MDGA2: variants seen among roughly 807,000 people sequenced by gnomAD.
MDGA2 encodes the protein MAM domain containing glycosylphosphatidylinositol anchor 2, also known as MAM domain-containing glycosylphosphatidylinositol anchor protein 2.
Under a neutral mutation model 117.8 loss-of-function variants are expected in MDGA2, and 40 were observed. That is an observed-to-expected ratio of 0.34 (90% CI 0.26 to 0.44). MDGA2 has a LOEUF of 0.44. MDGA2 is among the 20% of genes least tolerant of loss of function. The pLI, the probability that MDGA2 is intolerant of heterozygous loss-of-function variation, is 1.00. For synonymous variants in MDGA2, 452 were observed against 439.0 expected, an observed-to-expected ratio of 1.03 and a Z score of -0.37; for missense variants, 1,123 against 1,250.6, an observed-to-expected ratio of 0.90 and a Z score of 1.54.
rs373003799 is a variant in MDGA2, at chr14:47,051,834, A to G, written c.1525+9415T>C. Among the ~76,000 whole-genome samples, 14 of 152,004 alleles carry G rather than the reference A, an allele frequency of 9.2e-5. No homozygotes were observed. The East Asian group carries it at 2.7e-3, about 29-fold the overall frequency. ...TTAATTTTCTTTTTGCCAATTGTGA[A>G]TGGTAGGTTAGTAGTGTCATCTGTG... On this transcript the variant is annotated intron_variant, in intron 7 of 16. Coordinates refer to ENST00000399232, the MANE Select transcript of MDGA2 (RefSeq NM_001113498.3).
chr14:47,293,316 G>T (rs763742584), intron 2 of MDGA2, among the ~76,000 whole-genome samples: 1 of 152,030 alleles, frequency 6.6e-6, no homozygotes, highest in Non-Finnish European at 1.5e-5. Flanking sequence ...CTATCATAAC[G>T]GCATATTAGG....
intron 1 of MDGA2, among the ~76,000 whole-genome samples, chr14:47,573,920 G>GA (rs946631698): frequency 3.4e-4 from 51 of 148,598 alleles, no homozygotes; most frequent in South Asian, 8.5e-4. Context: ...AAAGTTAATA[G>GA]AAAAAAAAAA....
At chr14:47,569,079 G>A (rs527641783) in intron 1 of MDGA2, among the ~76,000 whole-genome samples, 7 of 151,758 alleles carry the variant, frequency 4.6e-5, no homozygotes, top group African/African-American at 1.5e-4. Flanking sequence ...TAACCTTGTG[G>A]AGTTTTTTGT....
In MDGA2 at chr14:47,035,236, G is replaced by A. The variant is rs1888804820; in HGVS notation, c.1594C>T (p.Leu532=). The stretch of plus-strand genomic sequence containing the variant: ...GGTTTGCCAGTTACTTGACATTGCA[G>A]TTCTATTGTGTCTCCTTCTCTGGTG... ...LVTREGDTIE[L]QCQVTGKPKP... The change falls in exon 8 of 17, where the codon CTG becomes TTG. Residue 532 remains leucine, a synonymous_variant. Coordinates refer to ENST00000399232, the MANE Select transcript of MDGA2 (RefSeq NM_001113498.3). 1.9e-6 allele frequency: 3 copies of A among 1,614,116 alleles called. No homozygotes were observed. The highest frequency in any genetic ancestry group is 2.2e-5 in the East Asian group (1 of 44,866).
In MDGA2 at chr14:47,493,276, T is replaced by C. The variant is rs1029370303; in HGVS notation, c.280+181241A>G. Among the ~76,000 whole-genome samples, 5 of 149,134 alleles carry C rather than the reference T, an allele frequency of 3.4e-5. No homozygotes were observed. In the Admixed American group the frequency reaches 3.4e-4, roughly 10 times the overall value. On this transcript the variant is annotated intron_variant, in intron 1 of 16. Coordinates refer to ENST00000399232, the MANE Select transcript of MDGA2 (RefSeq NM_001113498.3). ...TATTTCTGGGACTGTTATAACAAAA[T>C]CATGTAAAATATATTTATATATAAT...
intron 1 of MDGA2, among the ~76,000 whole-genome samples, chr14:47,514,713 C>T (rs1894716375): frequency 6.6e-6 from 1 of 152,098 alleles, no homozygotes. Context: ...ACTAAGGGTG[C>T]TTCCTATCCC....
rs116711579 is a variant in MDGA2 at position 47,010,179 on chromosome 14, T to A, written c.1819+24832A>T. 6.7e-3 allele frequency among the ~76,000 whole-genome samples: 1,013 copies of A among 152,136 alleles called. 8 individuals are homozygous for A. The highest frequency in any genetic ancestry group is 0.023 in the African/African-American group (974 of 41,544). ...TGACTTCCTGGACAGTTGGAAATTG[T>A]GTAAGGATAGAAATTAGATCATAAT... On this transcript the variant is annotated intron_variant, in intron 8 of 16. Coordinates refer to ENST00000399232, the MANE Select transcript of MDGA2 (RefSeq NM_001113498.3).
At chr14:47,014,293 C>A (rs1465793467) in intron 8 of MDGA2, among the ~76,000 whole-genome samples, 2 of 152,094 alleles carry the variant, frequency 1.3e-5, no homozygotes, top group Non-Finnish European at 2.9e-5. Flanking sequence ...CTTAAAGGCC[C>A]TTGGATTTTT....
At chr14:46,931,229 A>C (rs1408088389) in intron 9 of MDGA2, among the ~76,000 whole-genome samples, 1 of 151,886 alleles carries the variant, frequency 6.6e-6, no homozygotes, top group East Asian at 1.9e-4. Context: ...AAAAAAAAAA[A>C]AAAAAAACTC....
intron 9 of MDGA2, among the ~76,000 whole-genome samples, chr14:46,957,007 C>T (rs1008548763): frequency 6.6e-6 from 1 of 152,094 alleles, no homozygotes; most frequent in Non-Finnish European, 1.5e-5. Flanking sequence ...CCTGAGGCTT[C>T]CCAGTCATGC....
chr14:47,615,423 A>C (rs1406831910), intron 1 of MDGA2, among the ~76,000 whole-genome samples: 3 of 152,210 alleles, frequency 2.0e-5, no homozygotes, highest in African/African-American at 7.2e-5. Flanking sequence ...AGATAAATGT[A>C]AAGTGTATGA....
At chr14:47,419,483 A>G (rs1033708826) in intron 1 of MDGA2, among the ~76,000 whole-genome samples, 1 of 152,160 alleles carries the variant, frequency 6.6e-6, no homozygotes, top group Admixed American at 6.5e-5. Context: ...TATTTCTTAC[A>G]GTAGCCTTCC....
At chr14:46,901,891 C>T (rs1318014222) in intron 10 of MDGA2, among the ~76,000 whole-genome samples, 2 of 152,146 alleles carry the variant, frequency 1.3e-5, no homozygotes, top group Non-Finnish European at 2.9e-5. Flanking sequence ...AAAACTGTGG[C>T]TTGTGTGGAG....
At chr14:47,014,854 A>T (rs752209231) in intron 8 of MDGA2, among the ~76,000 whole-genome samples, 3 of 152,108 alleles carry the variant, frequency 2.0e-5, no homozygotes, top group Admixed American at 6.6e-5. Flanking sequence ...TTCCTTCAAG[A>T]ATTTTCCTTT....
chr14:47,058,210 C>T (rs941781484), intron 7 of MDGA2, among the ~76,000 whole-genome samples: 1 of 151,972 alleles, frequency 6.6e-6, no homozygotes, highest in Non-Finnish European at 1.5e-5. Context: ...AACAGAGTAA[C>T]AATTGAGATT....
At chr14:47,535,899 G>T (rs1381955205) in intron 1 of MDGA2, among the ~76,000 whole-genome samples, 1 of 152,198 alleles carries the variant, frequency 6.6e-6, no homozygotes. Flanking sequence ...CAGTCGGCTG[G>T]GGATTGGCTG....
intron 1 of MDGA2, among the ~76,000 whole-genome samples, chr14:47,647,700 C>T (rs999814465): frequency 2.0e-5 from 3 of 152,080 alleles, no homozygotes; most frequent in Non-Finnish European, 4.4e-5. Flanking sequence ...CACAAAATAA[C>T]ATGGAAATAT....
At chr14:47,593,669 C>G (rs1181985029) in intron 1 of MDGA2, among the ~76,000 whole-genome samples, 1 of 151,962 alleles carries the variant, frequency 6.6e-6, no homozygotes, top group East Asian at 1.9e-4. Context: ...TAAGTGTGAA[C>G]TGAACAATGA....
rs781546336 is a variant in MDGA2, at chr14:47,531,817, A to T, written c.280+142700T>A. On this transcript the variant is annotated intron_variant, in intron 1 of 16. Coordinates refer to ENST00000399232, the MANE Select transcript of MDGA2 (RefSeq NM_001113498.3). The stretch of plus-strand genomic sequence containing the variant: ...AGCACTTATTTCTATGTAGGTAAAA[A>T]CCATATAAATTTGAAAACATGTATT... 2.0e-5 allele frequency among the ~76,000 whole-genome samples: 3 copies of T among 152,388 alleles called. 1 individual carries two copies. The highest frequency in any genetic ancestry group is 7.2e-5 in the African/African-American group (3 of 41,600).
Sources: gnomAD v4.1 joint callset for allele counts (sites outside exome capture counted in the v4.1 genomes callset) on GRCh38, gnomAD v4.1.1 for gene constraint, MANE v1.5 for transcripts, NCBI Gene and HGNC (gene_info 2026-07-23, HGNC 2026-07-21) for gene names.